Variants in ZNF274 observed in about 807,000 individuals in gnomAD.
The protein encoded by ZNF274 is neurotrophin receptor-interacting factor homolog.
A neutral mutation model predicts 42.5 loss-of-function variants in ZNF274; 23 were observed. The ratio of observed to expected loss-of-function variants is 0.54; its 90% CI spans 0.39 to 0.77. The LOEUF (loss-of-function observed/expected upper bound fraction) is 0.77, where lower values mean the gene tolerates loss of function less well. ZNF274 is among the 30% of genes least tolerant of loss of function. ZNF274 has a pLI of 0.00. For missense variants in ZNF274, 679 were observed against 806.5 expected (o/e 0.84, Z 1.91); for synonymous variants, 292 against 305.4 (o/e 0.96, Z 0.46).
In ZNF274 at chr19:58,186,992, CAGA is replaced by C. The variant is rs1419909579; in HGVS notation, c.210_212del (p.Glu70del). On this transcript the variant is annotated inframe_deletion, in exon 4 of 8. Transcript: ENST00000617501. ...GATGTGGTATCTCAGTTAGAGGAGGCAGAAGATTTCTGGCCAGTGGAGAGAGGA... is the reference window on the plus strand; with the variant it reads ...GATGTGGTATCTCAGTTAGAGGAGGCAGATTTCTGGCCAGTGGAGAGAGGA... 6.2e-6 allele frequency: 10 copies of C among 1,613,542 alleles called. No individual in the cohort carries two copies. The East Asian group carries it at 1.8e-4, about 29-fold the overall frequency.
chr19:58,184,108 G>A (rs2075666340), intron 2 of ZNF274, 110 bp downstream of exon 2: 1 of 1,269,416 alleles, frequency 7.9e-7, no homozygotes, highest in Non-Finnish European at 1.1e-6. Context: ...AGAGCACCTC[G>A]GGGAGGGGGT....
chr19:58,192,934 T>C (rs879840449), intron 4 of ZNF274, among the ~76,000 whole-genome samples: 3 of 152,132 alleles, frequency 2.0e-5, no homozygotes, highest in African/African-American at 4.8e-5. Flanking sequence ...TTTGTCACCA[T>C]GTTGCCCAGG....
In ZNF274 at chr19:58,194,922, A is replaced by G. The variant is rs548407454; in HGVS notation, c.256+7880A>G. On this transcript the variant is annotated intron_variant, in intron 4 of 7. Coordinates refer to ENST00000617501, the MANE Select transcript of ZNF274 (RefSeq NM_133502.3). ...AGGCTGAGGCAGGAGAATGGCATGAAGCCGGGAGGCGGAGCTTGCAGTGAG... is the reference window on the plus strand; with the variant it reads ...AGGCTGAGGCAGGAGAATGGCATGAGGCCGGGAGGCGGAGCTTGCAGTGAG... Among the ~76,000 whole-genome samples the G allele has an allele frequency of 3.9e-5, 6 of 152,194 alleles. No homozygotes were observed. In the East Asian group the frequency reaches 1.2e-3, roughly 29 times the overall value.
At position 58,208,602 on chromosome 19, in the gene ZNF274, A is replaced by C. The variant is rs2076004847; in HGVS notation, c.740-1359A>C. 6.6e-6 allele frequency: 1 copy of C among 152,204 alleles called. No homozygotes were observed. Among genetic ancestry groups the C allele is most frequent in the African/African-American group, 2.4e-5 (1 of 41,440 alleles). The allele number at this position is 152,204 out of a possible 1,614,324, so 9.4% of individuals were successfully genotyped here. On this transcript the variant is annotated intron_variant, in intron 5 of 7. Transcript: ENST00000617501. This position sits in a 1 kb window ranked among gnomAD's most constrained non-coding sequence, Gnocchi z 4.5. ...GATAGAGGAAGAAGCCATAAGCCAA[A>C]TGTTTGGGGCAGCCTCTAGAAGCTG...
chr19:58,191,897 A>G (rs2075782463), intron 4 of ZNF274, among the ~76,000 whole-genome samples: 1 of 152,224 alleles, frequency 6.6e-6, no homozygotes, highest in Admixed American at 6.5e-5. Flanking sequence ...AAGCACTTAC[A>G]TAATCTCTAC....
chr19:58,190,797 G>C (rs1452843535), intron 4 of ZNF274, among the ~76,000 whole-genome samples: 1 of 152,052 alleles, frequency 6.6e-6, no homozygotes, highest in East Asian at 1.9e-4. Context: ...TCTGTGCTGT[G>C]GTGCAAGTGG....
intron 1 of ZNF274, 160 bp from the exon 2 acceptor site, chr19:58,183,761 A>T (rs545605378): frequency 1.8e-5 from 10 of 566,842 alleles, no homozygotes; most frequent in Middle Eastern, 4.7e-4. Flanking sequence ...AACTGGTCCT[A>T]TCCAGTCCTG....
At position 58,188,682 on chromosome 19, in the gene ZNF274, A is replaced by ATATATGTATATGTATATG. The variant is rs1328490757; in HGVS notation, c.256+1657_256+1658insGTATATGTATATGTATAT. Among the ~76,000 whole-genome samples the ATATATGTATATGTATATG allele has an allele frequency of 4.9e-3, 367 of 75,608 alleles. 6 individuals are homozygous for ATATATGTATATGTATATG. The highest frequency in any genetic ancestry group is 0.017 in the African/African-American group (329 of 18,808). The allele number at this position is 75,608 out of a possible 152,430, so 49.6% of individuals were successfully genotyped here. ...GATGTGTGTGTGTGTGTGTGTATATATATATGTATATGTATATATATATAT... is the reference window on the plus strand; with the variant it reads ...GATGTGTGTGTGTGTGTGTGTATATATATATGTATATGTATATGTATATGTATATGTATATATATATAT... On this transcript the variant is annotated intron_variant, in intron 4 of 7. Transcript: ENST00000617501.
At chr19:58,199,496 G>T (rs1294215844) in intron 4 of ZNF274, among the ~76,000 whole-genome samples, 1 of 152,196 alleles carries the variant, frequency 6.6e-6, no homozygotes, top group African/African-American at 2.4e-5. Flanking sequence ...CAAGGTGAAT[G>T]GATCACTTGA....
intron 6 of ZNF274, chr19:58,210,643 T>C (rs943914964): frequency 1.3e-5 from 2 of 152,472 alleles, no homozygotes; most frequent in African/African-American, 4.8e-5. Context: ...CAGGCAAGGC[T>C]GCATCCAGGT....
At chr19:58,201,058 A>T (rs2075904322) in intron 4 of ZNF274, among the ~76,000 whole-genome samples, 2 of 151,506 alleles carry the variant, frequency 1.3e-5, no homozygotes, top group Non-Finnish European at 2.9e-5. Flanking sequence ...AGGCGGTAGT[A>T]CAGTGGTGCG....
rs568733659 is a variant in ZNF274 at position 58,213,491 on chromosome 19, C to A, written c.*348C>A. 4.4e-6 allele frequency: 1 copy of A among 229,178 alleles called. No homozygotes were observed. The highest frequency in any genetic ancestry group is 8.7e-6 in the Non-Finnish European group (1 of 115,382). 14.2% of individuals were successfully genotyped at this position (229,178 alleles called of 1,614,324 possible). A position where few individuals can be genotyped will look rare whatever the true frequency, so the allele number is the denominator to read the frequency against. On this transcript the variant is annotated 3_prime_UTR_variant, in exon 8 of 8. Transcript: ENST00000617501. Reference sequence around the variant, plus strand: ...CACTGATATTACATCCACAGTACCACAGTATTTATGTGTATGAATTAAGGA... The same window carrying A: ...CACTGATATTACATCCACAGTACCAAAGTATTTATGTGTATGAATTAAGGA...
chr19:58,212,454 C>T lies in ZNF274; in HGVS notation c.1273C>T (p.Pro425Ser). Residue 425 changes from proline (P) to serine (S), a missense_variant, in exon 8 of 8, where the codon CCT becomes TCT. Physicochemically the swap from Pro to Ser is moderately conservative, Grantham distance 74. Transcript: ENST00000617501. The surrounding 1 kb of genome is among the most constrained non-coding windows in gnomAD (Gnocchi z 4.6). ...NQVSLQKIDN[P>S]ESQANSGALD... ...AGTTTCGCTCCAGAAAATTGACAAC[C>T]CTGAGTCCCAGGCAAACAGTGGCGC... The T allele has an allele frequency of 6.2e-7, 1 of 1,612,766 alleles. No individual in the cohort carries two copies. Among genetic ancestry groups the T allele is most frequent in the Non-Finnish European group, 8.5e-7 (1 of 1,179,364 alleles).
intron 4 of ZNF274, among the ~76,000 whole-genome samples, chr19:58,203,588 A>AG (rs2075942003): frequency 6.8e-6 from 1 of 146,772 alleles, no homozygotes; most frequent in Non-Finnish European, 1.5e-5. Flanking sequence ...TCAAAAAAAA[A>AG]AAAAAAAAGA....
chr19:58,212,052 G>T lies in ZNF274; in HGVS notation c.980-109G>T. The T allele has an allele frequency of 7.4e-7, 1 of 1,359,568 alleles. No individual in the cohort carries two copies. Among genetic ancestry groups the T allele is most frequent in the Non-Finnish European group, 9.9e-7 (1 of 1,009,926 alleles). 84.2% of individuals were successfully genotyped at this position (1,359,568 alleles called of 1,614,324 possible). On this transcript the variant is annotated intron_variant, in intron 7 of 7. Transcript: ENST00000617501. This position sits in a 1 kb window ranked among gnomAD's most constrained non-coding sequence, Gnocchi z 4.6. ...TCTCCAGGTTGCATGACTCTATTTG[G>T]GAGAAAAAAAAAATCCTGACTTTTG...
intron 4 of ZNF274, among the ~76,000 whole-genome samples, chr19:58,200,570 C>T (rs894626534): frequency 5.9e-5 from 9 of 151,772 alleles, no homozygotes; most frequent in Non-Finnish European, 1.2e-4. Context: ...ATGGGAAAGG[C>T]GAACCAGGTG....
In ZNF274 at chr19:58,211,348, G is replaced by C. The variant is rs768951443; in HGVS notation, c.853-212G>C. 5 of 483,726 alleles carry C rather than the reference G, an allele frequency of 1.0e-5. No homozygotes were observed. The highest frequency in any genetic ancestry group is 1.8e-5 in the Non-Finnish European group (5 of 279,538). 30.0% of individuals were successfully genotyped at this position (483,726 alleles called of 1,614,324 possible). On this transcript the variant is annotated intron_variant, in intron 6 of 7. Coordinates refer to ENST00000617501, the MANE Select transcript of ZNF274 (RefSeq NM_133502.3). This position sits in a 1 kb window ranked among gnomAD's most constrained non-coding sequence, Gnocchi z 4.8. ...GCACTTGGAGCTCTTTATGAAGCAA[G>C]GGCTCTGCCTCCCAGCCTGAGACCC...
At position 58,212,239 on chromosome 19, in the gene ZNF274, A is replaced by C; in HGVS notation, c.1058A>C (p.Lys353Thr). ...IPEEEPAPSL[K>T]VQESSRDCAL... ...GAGGAAGAACCAGCCCCCAGCCTGA[A>C]AGTACAAGAATCCTCAAGGGATTGT... is the stretch of plus-strand genomic sequence containing the variant. The change falls in exon 8 of 8, where the codon AAA (lysine) becomes ACA (threonine). Residue 353 changes from lysine (K) to threonine (T), a missense_variant. This residue lies in a region of ZNF274 where 456 missense variants were observed against 590.1 expected (regional missense o/e 0.77). Transcript: ENST00000617501. This position sits in a 1 kb window ranked among gnomAD's most constrained non-coding sequence, Gnocchi z 4.6. 1.2e-6 allele frequency: 2 copies of C among 1,613,774 alleles called. No individual in the cohort carries two copies. Among genetic ancestry groups the C allele is most frequent in the Non-Finnish European group, 1.7e-6 (2 of 1,179,896 alleles).
At chr19:58,184,080 G>C in intron 2 of ZNF274, 82 bp downstream of exon 2, 2 of 1,471,422 alleles carry the variant, frequency 1.4e-6, no homozygotes, top group South Asian at 2.4e-5. Flanking sequence ...CACCTTCCCT[G>C]AGATACCCCC....
Sources: allele counts gnomAD v4.1 joint callset (sites outside exome capture counted in the v4.1 genomes callset), GRCh38; gene constraint gnomAD v4.1.1; regional missense constraint gnomAD v4.1.1; non-coding constraint Gnocchi (gnomAD v3.1); transcripts MANE v1.5; gene names NCBI Gene and HGNC (gene_info 2026-07-23, HGNC 2026-07-21).